FAM184B: variants seen among roughly 807,000 people sequenced by gnomAD.
FAM184B encodes the protein protein FAM184B.
In FAM184B, 111 loss-of-function variants were observed where a neutral mutation model predicts 135.9. The ratio of observed to expected loss-of-function variants is 0.82; its 90% CI spans 0.70 to 0.96. The LOEUF (loss-of-function observed/expected upper bound fraction) is 0.96. Ranked by LOEUF, FAM184B falls within the 40% of genes least tolerant of loss-of-function variation. The pLI, the probability that FAM184B is intolerant of heterozygous loss-of-function variation, is 0.00. For missense variants in FAM184B, 1,375 were observed against 1,323.9 expected (o/e 1.04, Z -0.60); for synonymous variants, 552 against 524.8 (o/e 1.05, Z -0.71).
chr4:17,708,835 A>T, intron 2 of FAM184B, 57 bp downstream of exon 2: 1 of 1,453,452 alleles, frequency 6.9e-7, no homozygotes. Flanking sequence ...GCAGGTTCAC[A>T]ATAAGCAGCC....
intron 1 of FAM184B, among the ~76,000 whole-genome samples, chr4:17,713,138 C>A (rs1717322469): frequency 6.6e-6 from 1 of 152,214 alleles, no homozygotes; most frequent in Non-Finnish European, 1.5e-5. Context: ...TCATTACTCT[C>A]CATCCCCAGT....
chr4:17,683,248 A>G (rs1005771621), intron 7 of FAM184B, among the ~76,000 whole-genome samples: 26 of 152,334 alleles, frequency 1.7e-4, no homozygotes, highest in Admixed American at 1.6e-3. Context: ...GGCACAGAGC[A>G]GAACAACCTC....
chr4:17,773,869 G>T (rs759181889), intron 1 of FAM184B, among the ~76,000 whole-genome samples: 1 of 152,172 alleles, frequency 6.6e-6, no homozygotes. Flanking sequence ...GAGCCACCGC[G>T]CCCAGCCAAG....
At chr4:17,658,995 A>T (rs758688154) in intron 9 of FAM184B, among the ~76,000 whole-genome samples, 3 of 152,064 alleles carry the variant, frequency 2.0e-5, no homozygotes, top group Non-Finnish European at 4.4e-5. Flanking sequence ...CTTTTTCCTG[A>T]GCCATCATTA....
intron 10 of FAM184B, among the ~76,000 whole-genome samples, chr4:17,655,371 A>G (rs997429969): frequency 8.5e-5 from 13 of 152,182 alleles, no homozygotes; most frequent in Non-Finnish European, 1.2e-4. Flanking sequence ...GGTTCAGGTC[A>G]GCACTGCCCA....
chr4:17,776,554 AATT>A (rs376519193), intron 1 of FAM184B, among the ~76,000 whole-genome samples: 2,078 of 152,126 alleles, frequency 0.014, 54 homozygotes, highest in African/African-American at 0.047. Flanking sequence ...ATGCCCAGCT[AATT>A]CTTTTCGTAT....
At chr4:17,657,952 C>T (rs1056291781) in intron 10 of FAM184B, among the ~76,000 whole-genome samples, 2 of 152,224 alleles carry the variant, frequency 1.3e-5, no homozygotes, top group Middle Eastern at 3.4e-3. Context: ...CCACTGCACC[C>T]GGCCTGAGCT....
chr4:17,636,782 C>T, intron 14 of FAM184B, 137 bp from the exon 15 acceptor site: 2 of 700,784 alleles, frequency 2.9e-6, no homozygotes, highest in Non-Finnish European at 4.6e-6. Flanking sequence ...GCGGCTTGCC[C>T]AGGGCCCCCT....
Position 17,666,784 on chromosome 4 carries a change from C to CATGAG in FAM184B, c.1597-2130_1597-2126dup, listed in dbSNP as rs74278794. Among the ~76,000 whole-genome samples the CATGAG allele has an allele frequency of 1.5e-3, 233 of 152,062 alleles. 1 individual carries two copies. Among genetic ancestry groups the CATGAG allele is most frequent in the Non-Finnish European group, 2.5e-3 (169 of 67,982 alleles). On this transcript the variant is annotated intron_variant, in intron 7 of 17. Coordinates refer to ENST00000265018, the MANE Select transcript of FAM184B (RefSeq NM_015688.2). The stretch of plus-strand genomic sequence containing the variant: ...GTTTACCTTACTGGAAGGTAAGCTC[C>CATGAG]ATGAGGGCAGGGGCTTTGCTCACCT...
intron 7 of FAM184B, among the ~76,000 whole-genome samples, chr4:17,685,860 A>G (rs1716575312): frequency 6.6e-6 from 1 of 152,206 alleles, no homozygotes; most frequent in Non-Finnish European, 1.5e-5. Context: ...AGCTGTGGTG[A>G]TAGCACCGGC....
intron 1 of FAM184B, among the ~76,000 whole-genome samples, chr4:17,745,362 G>A (rs1311774460): frequency 2.6e-5 from 4 of 152,294 alleles, no homozygotes; most frequent in East Asian, 1.9e-4. Flanking sequence ...TGGATTTGCC[G>A]TGATATTCAC....
Position 17,781,184 on chromosome 4 carries a change from C to T in FAM184B, c.116G>A (p.Cys39Tyr), listed in dbSNP as rs1401424939. Residue 39 changes from cysteine to tyrosine, a missense_variant, in exon 1 of 18, where the codon TGC (cysteine) becomes TAC (tyrosine). By Grantham distance (194) the Cys-to-Tyr change is radical. Transcript: ENST00000265018. This position sits in a 1 kb window ranked among gnomAD's most constrained non-coding sequence, Gnocchi z 6.5. ...CTTGGTGAGCTGGGCGATCTTCTTG[C>T]ACATTTTCACGTGCATCTGGGGATC... is the stretch of plus-strand genomic sequence containing the variant. ...DCDPQMHVKM[C>Y]KKIAQLTKVI... 1.3e-6 allele frequency: 2 copies of T among 1,549,288 alleles called. No homozygotes were observed. Among genetic ancestry groups the T allele is most frequent in the Non-Finnish European group, 1.7e-6 (2 of 1,145,912 alleles).
intron 7 of FAM184B, among the ~76,000 whole-genome samples, chr4:17,684,828 G>T (rs573185056): frequency 1.6e-4 from 24 of 152,128 alleles, no homozygotes; most frequent in African/African-American, 5.1e-4. Context: ...AAGAAAATGT[G>T]GTACATATAC....
At chr4:17,700,330 T>C (rs1323229430) in intron 5 of FAM184B, among the ~76,000 whole-genome samples, 2 of 152,090 alleles carry the variant, frequency 1.3e-5, no homozygotes, top group East Asian at 1.9e-4. Flanking sequence ...CAGATTAAAA[T>C]AGACCAAGAT....
intron 7 of FAM184B, among the ~76,000 whole-genome samples, chr4:17,667,714 C>T (rs1038791655): frequency 1.3e-5 from 2 of 152,240 alleles, no homozygotes; most frequent in African/African-American, 4.8e-5. Context: ...TTCTTCCCTA[C>T]ATACTCTGGA....
At chr4:17,654,741 G>A (rs990760499) in intron 10 of FAM184B, among the ~76,000 whole-genome samples, 3 of 152,210 alleles carry the variant, frequency 2.0e-5, no homozygotes, top group African/African-American at 7.2e-5. Context: ...AACCCAGCGG[G>A]TCATGTGGAA....
chr4:17,641,053 C>T (rs1715295304), intron 13 of FAM184B, among the ~76,000 whole-genome samples: 1 of 152,172 alleles, frequency 6.6e-6, no homozygotes, highest in Admixed American at 6.5e-5. Context: ...CCCTCACCAA[C>T]CTCCCGAGTA....
intron 7 of FAM184B, among the ~76,000 whole-genome samples, chr4:17,680,760 C>T (rs1226651836): frequency 6.6e-6 from 1 of 152,178 alleles, no homozygotes; most frequent in African/African-American, 2.4e-5. Context: ...CCCACTTCCT[C>T]CCAGGCAAAT....
At chr4:17,725,153 G>A (rs558797508) in intron 1 of FAM184B, among the ~76,000 whole-genome samples, 1 of 152,242 alleles carries the variant, frequency 6.6e-6, no homozygotes, top group South Asian at 2.1e-4. Flanking sequence ...CATACGGCAG[G>A]TCCTCAGGGA....
Sources: gnomAD v4.1 joint callset for allele counts (sites outside exome capture counted in the v4.1 genomes callset) on GRCh38, gnomAD v4.1.1 for gene constraint, Gnocchi (gnomAD v3.1) non-coding constraint, MANE v1.5 for transcripts, NCBI Gene and HGNC (gene_info 2026-07-23, HGNC 2026-07-21) for gene names.